DNAJC6: variants seen among roughly 807,000 people sequenced by gnomAD.
DNAJC6 encodes the protein DnaJ heat shock protein family (Hsp40) member C6.
DNAJC6 carries 34 observed loss-of-function variants against 110.0 expected under a neutral mutation model. The observed-to-expected ratio is 0.31, with a 90% confidence interval of 0.24 to 0.41. The LOEUF (loss-of-function observed/expected upper bound fraction) is 0.41. Ranked by LOEUF, DNAJC6 falls within the 10% of genes least tolerant of loss-of-function variation. The pLI is 1.00. For missense variants in DNAJC6, 1,031 were observed against 1,207.8 expected, an observed-to-expected ratio of 0.85 and a Z score of 2.17; for synonymous variants, 406 against 437.2, an observed-to-expected ratio of 0.93 and a Z score of 0.89.
At chr1:65,266,829 T>G (rs1401002564) in intron 1 of DNAJC6, among the ~76,000 whole-genome samples, 1 of 152,178 alleles carries the variant, frequency 6.6e-6, no homozygotes, top group Non-Finnish European at 1.5e-5. Flanking sequence ...CACTCCTGGT[T>G]TCTCAGTGTA....
chr1:65,392,401 A>G, intron 11 of DNAJC6, 30 bp from the exon 12 acceptor site: 1 of 1,531,094 alleles, frequency 6.5e-7, no homozygotes, highest in South Asian at 1.3e-5. Flanking sequence ...GTCAGCAACT[A>G]ATCTCTTATG....
intron 1 of DNAJC6, among the ~76,000 whole-genome samples, chr1:65,359,895 T>C (rs1272070430): frequency 6.6e-6 from 1 of 152,232 alleles, no homozygotes; most frequent in Non-Finnish European, 1.5e-5. Flanking sequence ...ACCAGTTTCA[T>C]GTTATGAAAT....
intron 5 of DNAJC6, among the ~76,000 whole-genome samples, chr1:65,381,998 T>C (rs1334765912): frequency 5.9e-5 from 9 of 152,172 alleles, no homozygotes; most frequent in African/African-American, 9.7e-5. Context: ...ATTTGTAATA[T>C]GAAGAAACAG....
At position 65,413,728 on chromosome 1, in the gene DNAJC6, C is replaced by T. The variant is rs1303092817; in HGVS notation, c.*703C>T. The T allele has an allele frequency of 6.6e-6, 1 of 152,132 alleles. No homozygotes were observed. Among genetic ancestry groups the T allele is most frequent in the Non-Finnish European group, 1.5e-5 (1 of 68,016 alleles). 9.4% of individuals were successfully genotyped at this position (152,132 alleles called of 1,614,324 possible). On this transcript the variant is annotated 3_prime_UTR_variant, in exon 19 of 19. Transcript: ENST00000371069. ...CTCTGAAGATGTCGAAATCTTTATT[C>T]CTGGTTAGGAAGGTGGGCCGCTACC...
At chr1:65,308,572 A>G (rs1189235855), upstream of DNAJC6, among the ~76,000 whole-genome samples, 2 of 152,232 alleles carry the variant, frequency 1.3e-5, no homozygotes, top group Non-Finnish European at 2.9e-5. Context: ...ACGATGACAG[A>G]TACAAAATTA....
intron 1 of DNAJC6, 91 bp from the exon 2 acceptor site, chr1:65,364,544 G>A (rs980249119): frequency 7.3e-7 from 1 of 1,369,896 alleles, no homozygotes; most frequent in Non-Finnish European, 9.8e-7. Context: ...AAGACAGTCT[G>A]TGTATGTTTT....
chr1:65,357,937 G>A (rs938525631), intron 1 of DNAJC6, among the ~76,000 whole-genome samples: 2 of 152,112 alleles, frequency 1.3e-5, no homozygotes, highest in Non-Finnish European at 2.9e-5. Flanking sequence ...CCAGCACATT[G>A]GGAGGCCGAG....
chr1:65,332,346 G>T (rs922793076), intron 1 of DNAJC6, among the ~76,000 whole-genome samples: 4 of 152,152 alleles, frequency 2.6e-5, no homozygotes, highest in Non-Finnish European at 5.9e-5. Flanking sequence ...CACCTTTCTG[G>T]AGGATGAAAA....
At chr1:65,330,117 C>T (rs930895541) in intron 1 of DNAJC6, among the ~76,000 whole-genome samples, 2 of 152,190 alleles carry the variant, frequency 1.3e-5, no homozygotes, top group African/African-American at 2.4e-5. Flanking sequence ...CTCTTTCTAG[C>T]TCTTTCAGTC....
chr1:65,374,471 GTTC>G (rs3054308), intron 4 of DNAJC6, among the ~76,000 whole-genome samples: 63,098 of 151,492 alleles, frequency 0.42, 13,826 homozygotes, highest in Middle Eastern at 0.54. Flanking sequence ...GAGTTTTACA[GTTC>G]TTCTTGTGTA....
chr1:65,376,584 C>A (rs1329453788), intron 4 of DNAJC6, among the ~76,000 whole-genome samples: 1 of 151,398 alleles, frequency 6.6e-6, no homozygotes, highest in Non-Finnish European at 1.5e-5. Flanking sequence ...TGTATATTTC[C>A]ATTTTAATTT....
chr1:65,378,279 C>CTTCTTAAATATTCTCCCAG, intron 4 of DNAJC6, among the ~76,000 whole-genome samples: 1 of 152,038 alleles, frequency 6.6e-6, no homozygotes, highest in South Asian at 2.1e-4. Context: ...GAGTCATTCT[C>CTTCTTAAATATTCTCCCAG]CTCCTTAACA....
chr1:65,311,129 G>A (rs1645095262), intron 1 of DNAJC6, among the ~76,000 whole-genome samples: 1 of 147,076 alleles, frequency 6.8e-6, no homozygotes, highest in Non-Finnish European at 1.5e-5. Context: ...TCTTATTGAA[G>A]TTAACCAAGA....
chr1:65,335,446 GTAGA>G (rs1291427976), intron 1 of DNAJC6, among the ~76,000 whole-genome samples: 1 of 151,900 alleles, frequency 6.6e-6, no homozygotes, highest in South Asian at 2.1e-4. Flanking sequence ...TTCTTTTGTA[GTAGA>G]TAGAGACAGA....
rs896749653 is a variant in DNAJC6 at position 65,364,712 on chromosome 1, T to C, written c.271T>C (p.Phe91Leu). 1.9e-6 allele frequency: 3 copies of C among 1,613,356 alleles called. No individual in the cohort carries two copies. Among genetic ancestry groups the C allele is most frequent in the Non-Finnish European group, 2.5e-6 (3 of 1,179,616 alleles). The change falls in exon 2 of 19, where the codon TTT becomes CTT. Residue 91 changes from phenylalanine to leucine, a missense_variant. Phe to Leu is a conservative substitution (Grantham distance 22). Transcript: ENST00000371069. ...DMVKGGAGRL[F>L]SNLKDNLKDT... is the part of the protein sequence containing the mutation. ...GGTAAAAGGAGGTGCAGGGAGGCTC[T>C]TTAGTAACCTAAAGGACAACTTGAA... is the stretch of plus-strand genomic sequence containing the variant.
chr1:65,320,504 A>G (rs1446451161), intron 1 of DNAJC6, among the ~76,000 whole-genome samples: 1 of 152,234 alleles, frequency 6.6e-6, no homozygotes, highest in Non-Finnish European at 1.5e-5. Context: ...CAAGTCATTC[A>G]AATGAGAAAA....
At chr1:65,357,128 T>C (rs1047606373) in intron 1 of DNAJC6, among the ~76,000 whole-genome samples, 6 of 152,164 alleles carry the variant, frequency 3.9e-5, no homozygotes, top group African/African-American at 1.4e-4. Flanking sequence ...GAGTGGGGCA[T>C]CTCTACAGAG....
intron 1 of DNAJC6, among the ~76,000 whole-genome samples, chr1:65,266,028 G>C (rs963067363): frequency 6.6e-6 from 1 of 152,262 alleles, no homozygotes. Context: ...GGGCTCGGGG[G>C]CTTGGGTGCG....
intron 1 of DNAJC6, among the ~76,000 whole-genome samples, chr1:65,289,217 A>G (rs1378518208): frequency 6.6e-6 from 1 of 151,954 alleles, no homozygotes; most frequent in Non-Finnish European, 1.5e-5. Flanking sequence ...TTTCCCCAAG[A>G]TGGAGTCTCG....
Sources: gnomAD v4.1 joint callset for allele counts (sites outside exome capture counted in the v4.1 genomes callset) on GRCh38, gnomAD v4.1.1 for gene constraint, MANE v1.5 for transcripts, NCBI Gene and HGNC (gene_info 2026-07-23, HGNC 2026-07-21) for gene names.